The following PTPRT variants were observed in gnomAD, a reference collection of about 807,000 sequenced individuals.
PTPRT encodes receptor-type tyrosine-protein phosphatase T.
PTPRT carries 56 observed loss-of-function variants against 176.8 expected under a neutral mutation model. That is an observed-to-expected ratio of 0.32 (90% CI 0.26 to 0.40). The LOEUF (loss-of-function observed/expected upper bound fraction) is 0.40, where lower values mean the gene tolerates loss of function less well. Ranked by LOEUF, PTPRT falls within the 10% of genes least tolerant of loss-of-function variation. PTPRT has a pLI of 1.00. For synonymous variants in PTPRT, 783 were observed against 739.0 expected (o/e 1.06, Z -0.96); for missense variants, 1,540 against 1,908.2 (o/e 0.81, Z 3.60).
chr20:42,819,748 A>T (rs544998377), intron 2 of PTPRT, among the ~76,000 whole-genome samples: 327 of 152,032 alleles, frequency 2.2e-3, no homozygotes, highest in Non-Finnish European at 3.7e-3. Context: ...AAAATAAAAA[A>T]AAATAAAAAA....
intron 2 of PTPRT, among the ~76,000 whole-genome samples, chr20:42,869,168 A>G (rs975172061): frequency 1.3e-5 from 2 of 152,096 alleles, no homozygotes; most frequent in Admixed American, 6.5e-5. Context: ...AATTCCCTGG[A>G]GACATGGGAA....
At chr20:43,008,639 C>T (rs906148494) in intron 1 of PTPRT, among the ~76,000 whole-genome samples, 4 of 151,854 alleles carry the variant, frequency 2.6e-5, no homozygotes, top group South Asian at 2.1e-4. Flanking sequence ...TGCAGTGAGC[C>T]GACATCACAC....
intron 1 of PTPRT, among the ~76,000 whole-genome samples, chr20:43,030,651 A>G (rs933770208): frequency 6.6e-6 from 1 of 152,236 alleles, no homozygotes; most frequent in African/African-American, 2.4e-5. Context: ...CCGAAAGGCC[A>G]TTCCAAGGAG....
chr20:42,824,673 A>G (rs1056051806), intron 2 of PTPRT, among the ~76,000 whole-genome samples: 45 of 152,202 alleles, frequency 3.0e-4, no homozygotes, highest in African/African-American at 9.6e-4. Context: ...AGAAGAATAA[A>G]AAATCAAATC....
In PTPRT at chr20:42,696,452, T is replaced by C. The variant is rs543646345; in HGVS notation, c.860-18293A>G. 2.7e-4 allele frequency among the ~76,000 whole-genome samples: 36 copies of C among 135,378 alleles called. 1 individual carries two copies. The South Asian group carries it at 7.5e-3, about 28-fold the overall frequency. 88.8% of individuals were successfully genotyped at this position (135,378 alleles called of 152,430 possible). A position where few individuals can be genotyped will look rare whatever the true frequency, so the allele number is the denominator to read the frequency against. ...GTTCTAAAGCCTTCCAATAGCCACA[T>C]GAATTATTTTTTTTTTTTTTTGAGA... On this transcript the variant is annotated intron_variant, in intron 6 of 30. Coordinates refer to ENST00000373187, the MANE Select transcript of PTPRT (RefSeq NM_007050.6).
intron 1 of PTPRT, among the ~76,000 whole-genome samples, chr20:42,979,989 G>T (rs868652626): frequency 9.7e-6 from 1 of 103,424 alleles, no homozygotes; most frequent in Non-Finnish European, 1.9e-5. Context: ...GGAAGGGGGG[G>T]TGGGGGGGGG....
intron 9 of PTPRT, among the ~76,000 whole-genome samples, chr20:42,364,162 T>C (rs2058482599): frequency 6.6e-6 from 1 of 152,142 alleles, no homozygotes; most frequent in South Asian, 2.1e-4. Flanking sequence ...ACTTCCTGCA[T>C]CATTGTCAGA....
At chr20:42,528,548 C>T (rs956751856) in intron 7 of PTPRT, among the ~76,000 whole-genome samples, 7 of 152,110 alleles carry the variant, frequency 4.6e-5, no homozygotes, top group African/African-American at 1.7e-4. Flanking sequence ...AAATGTTTGT[C>T]CCCCTTCCAC....
At chr20:42,377,797 CAGAAA>C (rs1309414343) in intron 9 of PTPRT, among the ~76,000 whole-genome samples, 8 of 152,100 alleles carry the variant, frequency 5.3e-5, no homozygotes, top group Admixed American at 5.2e-4. Flanking sequence ...CTTTGGAGGA[CAGAAA>C]AGAAAAGTGA....
chr20:42,635,853 C>T (rs992362494), intron 7 of PTPRT, among the ~76,000 whole-genome samples: 2 of 152,046 alleles, frequency 1.3e-5, no homozygotes, highest in African/African-American at 4.8e-5. Context: ...TGTAAACTGC[C>T]AGCTTGATAT....
intron 6 of PTPRT, among the ~76,000 whole-genome samples, chr20:42,683,932 G>A (rs2867492): frequency 0.031 from 4,697 of 152,290 alleles, 102 homozygotes; most frequent in Middle Eastern, 0.044. Context: ...TGTACTGAAT[G>A]ACTACCCTAA....
At chr20:42,059,693 T>C in the PTPRT span, among the ~76,000 whole-genome samples, 1 of 152,206 alleles carries the variant, frequency 6.6e-6, no homozygotes, top group Non-Finnish European at 1.5e-5. Flanking sequence ...TTACTGCCTC[T>C]TCTCTCTGTT....
intron 1 of PTPRT, among the ~76,000 whole-genome samples, chr20:43,164,343 G>T (rs1428125243): frequency 6.6e-6 from 1 of 152,210 alleles, no homozygotes; most frequent in Non-Finnish European, 1.5e-5. Flanking sequence ...AGAGAGAATT[G>T]CTTCTTTAAG....
intron 9 of PTPRT, among the ~76,000 whole-genome samples, chr20:42,374,271 A>C (rs1050710300): frequency 7.2e-5 from 11 of 152,232 alleles, no homozygotes; most frequent in Non-Finnish European, 1.2e-4. Context: ...GGAAAAGGTC[A>C]GGTGTGGTCT....
chr20:42,801,218 A>G (rs1379371622), intron 2 of PTPRT, among the ~76,000 whole-genome samples: 1 of 152,302 alleles, frequency 6.6e-6, no homozygotes, highest in East Asian at 1.9e-4. Context: ...CTAGTAGCCC[A>G]TGCTGCAAGC....
intron 5 of PTPRT, among the ~76,000 whole-genome samples, chr20:42,767,977 TACACACACACACACAC>T (rs35599788): frequency 2.6e-4 from 32 of 125,260 alleles, no homozygotes; most frequent in South Asian, 5.6e-4. Context: ...TATAAAATTA[TACACACACACACACAC>T]ACACACACAC....
intron 9 of PTPRT, among the ~76,000 whole-genome samples, chr20:42,417,217 C>T (rs2059074277): frequency 6.6e-6 from 1 of 152,076 alleles, no homozygotes; most frequent in Non-Finnish European, 1.5e-5. Flanking sequence ...TTGAATGAAG[C>T]TGAAATTCCT....
chr20:42,580,015 C>T (rs889294020), intron 7 of PTPRT, among the ~76,000 whole-genome samples: 17 of 152,116 alleles, frequency 1.1e-4, no homozygotes, highest in African/African-American at 3.4e-4. Flanking sequence ...TAGGTTTTCT[C>T]CTAGGGTTTT....
Position 42,912,582 on chromosome 20 carries a change from T to A in PTPRT, c.89-26650A>T, listed in dbSNP as rs978330539. On this transcript the variant is annotated intron_variant, in intron 1 of 30. Transcript: ENST00000373187. ...TCCCACTCTGGTAGAAATGCCTACA[T>A]AGAGTATCAGATACTTGCGTATCAT... Among the ~76,000 whole-genome samples, 3 of 152,222 alleles carry A rather than the reference T, an allele frequency of 2.0e-5. No individual in the cohort carries two copies. The East Asian group carries it at 5.8e-4, about 29-fold the overall frequency.
Sources: gnomAD v4.1 joint callset for allele counts (sites outside exome capture counted in the v4.1 genomes callset) on GRCh38, gnomAD v4.1.1 for gene constraint, MANE v1.5 for transcripts, NCBI Gene and HGNC (gene_info 2026-07-23, HGNC 2026-07-21) for gene names.